NEK10: variants seen among roughly 807,000 people sequenced by gnomAD.
NEK10 encodes serine/threonine-protein kinase Nek10.
A neutral mutation model predicts 159.8 loss-of-function variants in NEK10; 122 were observed. The ratio of observed to expected loss-of-function variants is 0.76; its 90% confidence interval spans 0.66 to 0.89. NEK10 has a LOEUF of 0.89. Among genes scored for constraint, NEK10 ranks in the 40% least tolerant of loss-of-function variants. NEK10 has a pLI of 0.00. For synonymous variants in NEK10, 466 were observed against 457.1 expected (o/e 1.02, Z -0.25); for missense variants, 1,342 against 1,323.1 (o/e 1.01, Z -0.22).
chr3:27,120,252 AT>A (rs909324508), intron 32 of NEK10, among the ~76,000 whole-genome samples: 5 of 149,896 alleles, frequency 3.3e-5, no homozygotes, highest in South Asian at 2.1e-4. Flanking sequence ...CCAAATCACT[AT>A]TTTTTTTTCA....
chr3:27,172,187 T>C (rs2148869001), intron 28 of NEK10, among the ~76,000 whole-genome samples: 1 of 151,598 alleles, frequency 6.6e-6, no homozygotes, highest in Admixed American at 6.6e-5. Flanking sequence ...GTACAAAAAT[T>C]AGCTGGGTGT....
intron 32 of NEK10, among the ~76,000 whole-genome samples, chr3:27,131,162 T>G (rs1295093794): frequency 6.6e-6 from 1 of 152,166 alleles, no homozygotes; most frequent in Non-Finnish European, 1.5e-5. Context: ...ATGATGAAAC[T>G]TTTTAAAAAA....
intron 23 of NEK10, among the ~76,000 whole-genome samples, chr3:27,229,332 T>G (rs1259118747): frequency 2.6e-5 from 4 of 152,012 alleles, no homozygotes; most frequent in Non-Finnish European, 2.9e-5. Context: ...GTCTGATCCT[T>G]AAAAGGAAAA....
intron 26 of NEK10, among the ~76,000 whole-genome samples, chr3:27,188,272 T>C (rs1249538910): frequency 2.0e-5 from 3 of 152,174 alleles, no homozygotes; most frequent in African/African-American, 7.2e-5. Context: ...ATGTTCGGAA[T>C]CATTAGAAAG....
chr3:27,234,028 T>C (rs1232649840), intron 23 of NEK10, among the ~76,000 whole-genome samples: 2 of 152,098 alleles, frequency 1.3e-5, no homozygotes, highest in Non-Finnish European at 2.9e-5. Context: ...ACAACATGAT[T>C]ATTCTCAATA....
intron 30 of NEK10, among the ~76,000 whole-genome samples, chr3:27,150,974 C>G (rs186677151): frequency 2.4e-4 from 36 of 152,280 alleles, no homozygotes; most frequent in Admixed American, 2.6e-4. Context: ...ACCTAGGAGA[C>G]ACCCCAAATG....
chr3:27,260,412 G>A (rs894932868), intron 22 of NEK10, among the ~76,000 whole-genome samples: 2 of 152,090 alleles, frequency 1.3e-5, no homozygotes, highest in African/African-American at 2.4e-5. Flanking sequence ...CTAATTTATT[G>A]AGAGTTTTTA....
chr3:27,131,098 A>C (rs1371325313), intron 32 of NEK10, among the ~76,000 whole-genome samples: 2 of 152,220 alleles, frequency 1.3e-5, no homozygotes, highest in Non-Finnish European at 2.9e-5. Context: ...AAGGAACGTG[A>C]AACCTTAAAG....
At chr3:27,119,008 T>C (rs1407418476) in intron 33 of NEK10, among the ~76,000 whole-genome samples, 10 of 152,184 alleles carry the variant, frequency 6.6e-5, no homozygotes, top group African/African-American at 1.7e-4. Context: ...CTACCGTTTA[T>C]AAAGATTCAA....
At chr3:27,208,074 ATGTT>A (rs1395125711) in intron 23 of NEK10, among the ~76,000 whole-genome samples, 1 of 151,968 alleles carries the variant, frequency 6.6e-6, no homozygotes, top group Non-Finnish European at 1.5e-5. Flanking sequence ...GTGTATGTGA[ATGTT>A]TGTGTGCATG....
intron 30 of NEK10, among the ~76,000 whole-genome samples, chr3:27,160,458 T>C (rs1379645648): frequency 6.6e-6 from 1 of 152,184 alleles, no homozygotes. Context: ...GAAAAAACCT[T>C]CATATGAAGG....
At chr3:27,263,435 C>T (rs1054949486) in intron 22 of NEK10, among the ~76,000 whole-genome samples, 2 of 152,192 alleles carry the variant, frequency 1.3e-5, no homozygotes, top group African/African-American at 4.8e-5. Context: ...CAGAGGCAGG[C>T]AGGCCTCCTT....
intron 3 of NEK10, 37 bp from the exon 4 acceptor site, chr3:27,346,253 A>T: frequency 1.2e-6 from 2 of 1,610,292 alleles, no homozygotes; most frequent in Non-Finnish European, 1.7e-6. Flanking sequence ...TGAGGATCAC[A>T]ATTCAGCACG....
At chr3:27,364,885 C>G (rs953437565) in intron 1 of NEK10, among the ~76,000 whole-genome samples, 1 of 152,152 alleles carries the variant, frequency 6.6e-6, no homozygotes, top group Non-Finnish European at 1.5e-5. Flanking sequence ...TATACATTAC[C>G]TAATGTAACA....
chr3:27,183,921 A>C (rs1286393919), intron 26 of NEK10, among the ~76,000 whole-genome samples: 2 of 152,154 alleles, frequency 1.3e-5, no homozygotes, highest in African/African-American at 4.8e-5. Context: ...TAAAATCGGA[A>C]AGACTGACAA....
intron 25 of NEK10, among the ~76,000 whole-genome samples, chr3:27,197,185 A>T (rs1044485792): frequency 1.4e-4 from 22 of 151,878 alleles, no homozygotes; most frequent in African/African-American, 4.3e-4. Flanking sequence ...ATTTAAAAAA[A>T]TTTTTTTGAG....
intron 25 of NEK10, among the ~76,000 whole-genome samples, chr3:27,196,098 G>A (rs1949535091): frequency 6.6e-6 from 1 of 152,090 alleles, no homozygotes; most frequent in South Asian, 2.1e-4. Context: ...ACTGTGCCCT[G>A]GACCTGTTAG....
At chr3:27,145,423 A>G (rs1343882271) in intron 30 of NEK10, among the ~76,000 whole-genome samples, 1 of 152,166 alleles carries the variant, frequency 6.6e-6, no homozygotes, top group East Asian at 1.9e-4. Flanking sequence ...TAGTGTTTTA[A>G]AACTTAGAAG....
At chr3:27,203,542 T>C (rs1199251435) in intron 23 of NEK10, among the ~76,000 whole-genome samples, 2 of 151,630 alleles carry the variant, frequency 1.3e-5, no homozygotes, top group Admixed American at 1.3e-4. Context: ...CTAACATATA[T>C]GTACACTAAA....
Sources: gnomAD v4.1 joint callset for allele counts (sites outside exome capture counted in the v4.1 genomes callset) on GRCh38, gnomAD v4.1.1 for gene constraint, MANE v1.5 for transcripts, NCBI Gene and HGNC (gene_info 2026-07-23, HGNC 2026-07-21) for gene names.